MALRD1: variants seen among roughly 807,000 people sequenced by gnomAD.
MALRD1 encodes the protein MAM and LDL receptor class A domain containing 1, also known as MAM and LDL-receptor class A domain-containing protein 1.
A neutral mutation model predicts 242.1 loss-of-function variants in MALRD1; 247 were observed. That is an observed-to-expected ratio of 1.02 (90% CI 0.92 to 1.13). The LOEUF is 1.13. Among genes scored for constraint, MALRD1 ranks in the 50% most tolerant of loss-of-function variants. MALRD1 has a pLI of 0.00. For missense variants in MALRD1, 2,989 were observed against 2,533.1 expected (o/e 1.18, Z -3.86); for synonymous variants, 995 against 866.6 (o/e 1.15, Z -2.60).
At chr10:19,480,811 C>A (rs2131176504) in intron 29 of MALRD1, among the ~76,000 whole-genome samples, 1 of 152,160 alleles carries the variant, frequency 6.6e-6, no homozygotes, top group Non-Finnish European at 1.5e-5. Flanking sequence ...TTCCTTCTTT[C>A]TAGGCCTTCT....
intron 11 of MALRD1, among the ~76,000 whole-genome samples, chr10:19,153,798 G>T (rs545134162): frequency 7.2e-5 from 11 of 152,148 alleles, no homozygotes; most frequent in Non-Finnish European, 1.5e-4. Context: ...TTGTCTAAAC[G>T]ATTTATTCAG....
At chr10:19,718,204 GGAA>G (rs928490482) in intron 38 of MALRD1, among the ~76,000 whole-genome samples, 41 of 151,204 alleles carry the variant, frequency 2.7e-4, no homozygotes, top group African/African-American at 8.2e-4. Flanking sequence ...AAGAAGAAGA[GGAA>G]GAAGAAGAAG....
At chr10:19,437,208 G>C (rs1228266086) in intron 28 of MALRD1, among the ~76,000 whole-genome samples, 1 of 152,072 alleles carries the variant, frequency 6.6e-6, no homozygotes, top group East Asian at 1.9e-4. Flanking sequence ...GATGGCTTGG[G>C]TATTGGTCCT....
intron 28 of MALRD1, among the ~76,000 whole-genome samples, chr10:19,396,650 G>A (rs1472042467): frequency 6.6e-6 from 1 of 152,104 alleles, no homozygotes; most frequent in African/African-American, 2.4e-5. Context: ...TCTGCTATTA[G>A]AATTTAAAAT....
At chr10:19,666,890 T>C (rs1040788889) in intron 36 of MALRD1, among the ~76,000 whole-genome samples, 4 of 152,224 alleles carry the variant, frequency 2.6e-5, no homozygotes, top group African/African-American at 4.8e-5. Flanking sequence ...GTGGAGTGAC[T>C]TATCTGAGTG....
intron 1 of MALRD1, among the ~76,000 whole-genome samples, chr10:19,060,945 G>A (rs1368407307): frequency 2.6e-5 from 4 of 152,284 alleles, no homozygotes; most frequent in South Asian, 4.1e-4. Context: ...GCCATAAAAA[G>A]GAATGTGATC....
At position 19,258,636 on chromosome 10, in the gene MALRD1, G is replaced by A. The variant is rs191137199; in HGVS notation, c.3079+865G>A. 3.9e-4 allele frequency among the ~76,000 whole-genome samples: 59 copies of A among 152,256 alleles called. 1 individual carries two copies. The South Asian group carries it at 0.011, about 27-fold the overall frequency. ...GAGTCAGGTGATGGGGCTGATTCCA[G>A]TCTTTTCAGTTGTAGCTATGTGACA... On this transcript the variant is annotated intron_variant, in intron 19 of 39. Transcript: ENST00000454679.
At chr10:19,648,189 A>G (rs12263598) in intron 36 of MALRD1, among the ~76,000 whole-genome samples, 9,437 of 152,286 alleles carry the variant, frequency 0.062, 379 homozygotes, top group Middle Eastern at 0.099. Context: ...AATACTAGAG[A>G]TCAAGCAGTT....
chr10:19,104,182 C>A, intron 5 of MALRD1, 107 bp downstream of exon 5: 2 of 588,050 alleles, frequency 3.4e-6, no homozygotes, highest in Non-Finnish European at 5.0e-6. Context: ...CTGATGTTTT[C>A]ATGTGGGATA....
intron 21 of MALRD1, among the ~76,000 whole-genome samples, chr10:19,302,399 T>G (rs1054600064): frequency 1.1e-4 from 16 of 151,828 alleles, no homozygotes; most frequent in African/African-American, 3.9e-4. Context: ...ACCATCATCC[T>G]ATGAATGGAC....
At chr10:19,158,782 A>G (rs1206602411) in intron 12 of MALRD1, among the ~76,000 whole-genome samples, 3 of 152,246 alleles carry the variant, frequency 2.0e-5, no homozygotes, top group African/African-American at 4.8e-5. Flanking sequence ...GCTGCAAGCT[A>G]CAAGAGGGTG....
intron 33 of MALRD1, among the ~76,000 whole-genome samples, chr10:19,586,397 G>C (rs539584316): frequency 3.0e-4 from 46 of 152,256 alleles, no homozygotes; most frequent in African/African-American, 1.1e-3. Context: ...TGTACAGATG[G>C]GTTTTTGGTG....
At chr10:19,585,809 C>G (rs1001801318) in intron 33 of MALRD1, among the ~76,000 whole-genome samples, 5 of 152,108 alleles carry the variant, frequency 3.3e-5, no homozygotes, top group African/African-American at 4.8e-5. Flanking sequence ...TGGATAATAT[C>G]CTGCAGAGTG....
chr10:19,683,065 A>G (rs1281133609), intron 36 of MALRD1, among the ~76,000 whole-genome samples: 5 of 152,034 alleles, frequency 3.3e-5, no homozygotes, highest in African/African-American at 1.2e-4. Context: ...AGGCCGAGGC[A>G]GGCAGATCAC....
At chr10:19,576,124 AG>A (rs905856664) in intron 33 of MALRD1, among the ~76,000 whole-genome samples, 1 of 152,246 alleles carries the variant, frequency 6.6e-6, no homozygotes, top group African/African-American at 2.4e-5. Context: ...GAAGCAAGTG[AG>A]GTTGACAACA....
chr10:19,387,525 T>C lies in MALRD1; in HGVS notation c.4442-3T>C, dbSNP rs1846135285. On this transcript the variant is annotated splice_region_variant and splice_polypyrimidine_tract_variant and intron_variant, in intron 26 of 39. Coordinates refer to ENST00000454679, the MANE Select transcript of MALRD1 (RefSeq NM_001142308.3). ...ATTCTTGTTTTCTTTTGTTTTGTTT[T>C]AGGTTTCTGCCCACTTGGCTATAGG... The C allele has an allele frequency of 1.3e-6, 2 of 1,549,018 alleles. No individual in the cohort carries two copies. Among genetic ancestry groups the C allele is most frequent in the East Asian group, 4.9e-5 (2 of 40,904 alleles).
intron 14 of MALRD1, among the ~76,000 whole-genome samples, chr10:19,188,995 T>C (rs1458428722): frequency 2.0e-5 from 3 of 151,902 alleles, no homozygotes; most frequent in African/African-American, 7.3e-5. Context: ...TTCAAAAAGA[T>C]TGGTAAAATT....
intron 36 of MALRD1, among the ~76,000 whole-genome samples, chr10:19,689,266 G>C (rs1480292403): frequency 6.6e-6 from 1 of 152,074 alleles, no homozygotes; most frequent in African/African-American, 2.4e-5. Context: ...ACGTGTGTGT[G>C]TTCTATGAGA....
intron 1 of MALRD1, among the ~76,000 whole-genome samples, chr10:19,058,733 C>G (rs1053978279): frequency 6.6e-6 from 1 of 151,870 alleles, no homozygotes; most frequent in African/African-American, 2.4e-5. Context: ...CTCAAACACA[C>G]AAAAAGAGAA....
Sources: allele counts gnomAD v4.1 joint callset (sites outside exome capture counted in the v4.1 genomes callset), GRCh38; gene constraint gnomAD v4.1.1; transcripts MANE v1.5; gene names NCBI Gene and HGNC (gene_info 2026-07-23, HGNC 2026-07-21).